The following FAM163B variants were observed in gnomAD, a reference collection of about 807,000 sequenced individuals.
The protein encoded by FAM163B is family with sequence similarity 163 member B, also known as protein FAM163B.
In FAM163B, 4 loss-of-function variants were observed where a neutral mutation model predicts 7.6. That is an observed-to-expected ratio of 0.52 (90% confidence interval 0.26 to 1.20). The LOEUF is 1.20. Ranked by LOEUF, FAM163B falls within the 50% of genes most tolerant of loss-of-function variation. The pLI is 0.14. For synonymous variants in FAM163B, 120 were observed against 111.6 expected (o/e 1.07, Z -0.47); for missense variants, 250 against 243.0 (o/e 1.03, Z -0.19).
intron 1 of FAM163B, among the ~76,000 whole-genome samples, chr9:133,590,209 CTTCCCTCTCTCCTTCCTTCCTT>C (rs1379696681): frequency 2.9e-4 from 42 of 143,380 alleles, no homozygotes; most frequent in African/African-American, 1.1e-3. Context: ...CTTTCCTTTC[CTTCCCTCTCTCCTTCCTTCCTT>C]CTCTCTCCTT....
chr9:133,584,528 G>A (rs957811489), intron 1 of FAM163B, among the ~76,000 whole-genome samples: 20 of 152,252 alleles, frequency 1.3e-4, no homozygotes, highest in Admixed American at 4.6e-4. Context: ...GTGATAAGGC[G>A]AAAAAGCCAG....
Position 133,578,822 on chromosome 9 carries a change from C to G in FAM163B, c.*200G>C, listed in dbSNP as rs922663168. The G allele has an allele frequency of 2.1e-5, 22 of 1,042,392 alleles. No individual in the cohort carries two copies. The highest frequency in any genetic ancestry group is 3.2e-5 in the Admixed American group (1 of 31,584). 64.6% of individuals were successfully genotyped at this position (1,042,392 alleles called of 1,614,324 possible). On this transcript the variant is annotated 3_prime_UTR_variant, in exon 3 of 3. Transcript: ENST00000673969. ...CCCCAGGCCCCAGCTGTGCCTCCCC[C>G]CAGGACACATTTGTGTTCAATGAGC...
chr9:133,591,484 C>CCG (rs1831551531), intron 1 of FAM163B, among the ~76,000 whole-genome samples: 1 of 152,166 alleles, frequency 6.6e-6, no homozygotes, highest in Non-Finnish European at 1.5e-5. Flanking sequence ...GGGACCCTGC[C>CCG]TGGCCTTCTC....
In FAM163B at chr9:133,606,739, G is replaced by A. The variant is rs1011628543; in HGVS notation, c.-24+2338C>T. Among the ~76,000 whole-genome samples the A allele has an allele frequency of 4.6e-5, 7 of 152,180 alleles. No individual in the cohort carries two copies. The highest frequency in any genetic ancestry group is 2.9e-5 in the Non-Finnish European group (2 of 68,042). Reference sequence around the variant, plus strand: ...GGAGCGGAGTGGAGGACAGAACAAGGGCTCGGCTGCTGCTCTGCCTCCCCT... The same window carrying A: ...GGAGCGGAGTGGAGGACAGAACAAGAGCTCGGCTGCTGCTCTGCCTCCCCT... On this transcript the variant is annotated intron_variant, in intron 1 of 2. Coordinates refer to ENST00000673969, the MANE Select transcript of FAM163B (RefSeq NM_001080515.3). This position sits in a 1 kb window ranked among gnomAD's most constrained non-coding sequence, Gnocchi z 4.0.
rs960726185 is a variant in FAM163B, at chr9:133,577,148, G to A, written c.*1874C>T. 5.9e-5 allele frequency among the ~76,000 whole-genome samples: 9 copies of A among 152,338 alleles called. No individual in the cohort carries two copies. In the South Asian group the frequency reaches 1.7e-3, roughly 28 times the overall value. On this transcript the variant is annotated 3_prime_UTR_variant, in exon 3 of 3. Transcript: ENST00000673969. ...AGCGGCTCCCCCAGCAGGTCCCCAC[G>A]GTGGAGCCGAGTGAGCTGGGAGGGA...
At chr9:133,598,726 T>A (rs1410880648) in intron 1 of FAM163B, among the ~76,000 whole-genome samples, 1 of 152,140 alleles carries the variant, frequency 6.6e-6, no homozygotes, top group Non-Finnish European at 1.5e-5. Flanking sequence ...TTTGGGTCTA[T>A]ATCTCCCCAG....
chr9:133,592,612 G>A (rs893543595), intron 1 of FAM163B, among the ~76,000 whole-genome samples: 3 of 152,160 alleles, frequency 2.0e-5, no homozygotes, highest in African/African-American at 7.2e-5. Context: ...CTGCCAACTC[G>A]CAGCCACTCT....
chr9:133,599,639 T>C (rs1179654161), intron 1 of FAM163B, among the ~76,000 whole-genome samples: 1 of 151,398 alleles, frequency 6.6e-6, no homozygotes, highest in African/African-American at 2.4e-5. Context: ...TATGTGTAAG[T>C]GTGCATGTGT....
At chr9:133,589,474 T>C (rs1448617452) in intron 1 of FAM163B, among the ~76,000 whole-genome samples, 4 of 152,208 alleles carry the variant, frequency 2.6e-5, no homozygotes, top group African/African-American at 4.8e-5. Context: ...ACATCAAATC[T>C]GATGTATCTC....
At chr9:133,599,973 G>A (rs919614045) in intron 1 of FAM163B, among the ~76,000 whole-genome samples, 5 of 135,964 alleles carry the variant, frequency 3.7e-5, no homozygotes, top group Admixed American at 3.6e-4. Context: ...GCATGTGTGT[G>A]TGTCTGTGTG....
intron 1 of FAM163B, among the ~76,000 whole-genome samples, chr9:133,583,624 G>A (rs1307419727): frequency 2.6e-5 from 4 of 152,278 alleles, no homozygotes; most frequent in Non-Finnish European, 2.9e-5. Context: ...CCCGCTCGCC[G>A]CAAAGCTCTC....
intron 1 of FAM163B, among the ~76,000 whole-genome samples, chr9:133,583,101 G>A (rs1382330661): frequency 2.6e-5 from 4 of 152,246 alleles, no homozygotes; most frequent in African/African-American, 7.2e-5. Context: ...CACTCACACA[G>A]CTTGGGAGGG....
intron 1 of FAM163B, among the ~76,000 whole-genome samples, chr9:133,608,847 A>T (rs1382052275): frequency 6.6e-6 from 1 of 151,226 alleles, no homozygotes; most frequent in Non-Finnish European, 1.5e-5. Flanking sequence ...TGGGTCCCCC[A>T]CCTCTCCCTT....
At chr9:133,583,529 T>A (rs1831386019) in intron 1 of FAM163B, among the ~76,000 whole-genome samples, 1 of 152,340 alleles carries the variant, frequency 6.6e-6, no homozygotes, top group South Asian at 2.1e-4. Flanking sequence ...GGACAGCAGC[T>A]GCACCATGCT....
At chr9:133,603,005 C>T (rs951870634) in intron 1 of FAM163B, among the ~76,000 whole-genome samples, 5 of 152,098 alleles carry the variant, frequency 3.3e-5, no homozygotes, top group Non-Finnish European at 5.9e-5. Flanking sequence ...GACTCCAGGG[C>T]GGAGGGGGGG....
At chr9:133,585,225 G>C (rs1831417106) in intron 1 of FAM163B, among the ~76,000 whole-genome samples, 5 of 152,208 alleles carry the variant, frequency 3.3e-5, no homozygotes, top group Admixed American at 3.3e-4. Context: ...GTGGAGCTGG[G>C]GGTGGGGCAG....
intron 1 of FAM163B, among the ~76,000 whole-genome samples, chr9:133,602,548 G>C (rs114298819): frequency 2.0e-5 from 3 of 152,188 alleles, no homozygotes; most frequent in African/African-American, 7.2e-5. Context: ...CTCAGCCCAG[G>C]GGTGACAGAA....
chr9:133,592,908 C>T (rs998077235), intron 1 of FAM163B, among the ~76,000 whole-genome samples: 1 of 152,166 alleles, frequency 6.6e-6, no homozygotes. Context: ...CTGCCCCAGA[C>T]CTGGCAGCAT....
chr9:133,596,654 G>C (rs1057385158), intron 1 of FAM163B, among the ~76,000 whole-genome samples: 8 of 152,190 alleles, frequency 5.3e-5, no homozygotes, highest in African/African-American at 1.4e-4. Context: ...GAGTTGCAGA[G>C]AGAGATGATA....
Sources: allele counts gnomAD v4.1 joint callset (sites outside exome capture counted in the v4.1 genomes callset), GRCh38; gene constraint gnomAD v4.1.1; non-coding constraint Gnocchi (gnomAD v3.1); transcripts MANE v1.5; gene names NCBI Gene and HGNC (gene_info 2026-07-23, HGNC 2026-07-21).